The following RPS3A variants were observed in gnomAD, a reference collection of about 807,000 sequenced individuals.
RPS3A encodes ribosomal protein S3A.
In RPS3A, 1 loss-of-function variant was observed where a neutral mutation model predicts 26.4. The ratio of observed to expected loss-of-function variants is 0.04; its 90% CI spans 0.01 to 0.18. RPS3A has a LOEUF of 0.18. Ranked by LOEUF, RPS3A falls within the 10% of genes least tolerant of loss-of-function variation. The pLI, the probability that RPS3A is intolerant of heterozygous loss-of-function variation, is 1.00. For missense variants in RPS3A, 139 were observed against 326.8 expected, an observed-to-expected ratio of 0.43 and a Z score of 4.43; for synonymous variants, 97 against 106.1, an observed-to-expected ratio of 0.91 and a Z score of 0.53.
chr4:151,104,451 T>TTTG (rs756017545), intron 5 of RPS3A, 21 bp from the exon 6 acceptor site: 8 of 1,399,274 alleles, frequency 5.7e-6, no homozygotes, highest in South Asian at 4.8e-5. Flanking sequence ...TTTTTTTTTT[T>TTTG]TTTTTTTTTT....
chr4:151,101,743 T>C (rs1747121116), intron 3 of RPS3A, among the ~76,000 whole-genome samples: 1 of 152,082 alleles, frequency 6.6e-6, no homozygotes, highest in African/African-American at 2.4e-5. Context: ...GTGGGAGTTT[T>C]TTGTTTTTGG....
intron 1 of RPS3A, 80 bp from the exon 2 acceptor site, chr4:151,100,405 T>G: frequency 1.2e-6 from 1 of 810,304 alleles, no homozygotes. Flanking sequence ...TTTAAAATAT[T>G]AATGGGAAAT....
At position 151,099,642 on chromosome 4, in the gene RPS3A, T is replaced by C. The variant is rs1185086686; in HGVS notation, c.-11T>C. 1 of 1,613,598 alleles carries C rather than the reference T, an allele frequency of 6.2e-7. No homozygotes were observed. Among genetic ancestry groups the C allele is most frequent in the Non-Finnish European group, 8.5e-7 (1 of 1,179,882 alleles). On this transcript the variant is annotated 5_prime_UTR_variant, in exon 1 of 6. Transcript: ENST00000274065. ...TCCCACTTCCGCCCTTTTGGCTCTC[T>C]GACCAGCACCATGGCGGTTGGCAAG...
intron 3 of RPS3A, 96 bp downstream of exon 3, chr4:151,101,258 T>C: frequency 1.4e-6 from 1 of 697,686 alleles, no homozygotes; most frequent in South Asian, 2.9e-5. Context: ...ATTTTATTTA[T>C]TTATTGAGAC....
intron 3 of RPS3A, 189 bp from the exon 4 acceptor site, chr4:151,102,682 G>A: frequency 1.5e-6 from 1 of 645,908 alleles, no homozygotes; most frequent in Non-Finnish European, 2.6e-6. Flanking sequence ...ATTTAATTGG[G>A]TAAGAATTTG....
rs777026252 is a variant in RPS3A at position 151,099,641 on chromosome 4, C to T, written c.-12C>T. ...CTCCCACTTCCGCCCTTTTGGCTCT[C>T]TGACCAGCACCATGGCGGTTGGCAA... is the stretch of plus-strand genomic sequence containing the variant. On this transcript the variant is annotated 5_prime_UTR_variant, in exon 1 of 6. Coordinates refer to ENST00000274065, the MANE Select transcript of RPS3A (RefSeq NM_001006.5). 2.5e-6 allele frequency: 4 copies of T among 1,613,494 alleles called. No homozygotes were observed. Among genetic ancestry groups the T allele is most frequent in the Non-Finnish European group, 2.5e-6 (3 of 1,179,842 alleles).
intron 1 of RPS3A, chr4:151,099,931 G>A (rs932835479): frequency 7.6e-6 from 4 of 529,556 alleles, no homozygotes; most frequent in Admixed American, 4.5e-5. Flanking sequence ...CGCGCGTCGC[G>A]TTTGAGCCGG....
At chr4:151,100,614 T>C in intron 2 of RPS3A, 26 bp downstream of exon 2, 1 of 1,379,668 alleles carries the variant, frequency 7.2e-7, no homozygotes, top group Non-Finnish European at 1.0e-6. Flanking sequence ...TTGGTTTGTA[T>C]TTTCCTTAAG....
chr4:151,099,886 A>T, intron 1 of RPS3A, 172 bp downstream of exon 1: 16 of 579,962 alleles, frequency 2.8e-5, no homozygotes, highest in Non-Finnish European at 3.1e-5. Flanking sequence ...GAGTAGCGGC[A>T]GGTCGGCTGC....
chr4:151,103,961 A>G, intron 4 of RPS3A: 1 of 1,521,732 alleles, frequency 6.6e-7, no homozygotes, highest in Non-Finnish European at 8.9e-7. Flanking sequence ...AGAAGACTCT[A>G]CTAACTTTGC....
At position 151,099,673 on chromosome 4, in the gene RPS3A, G is replaced by A. The variant is rs1347868607; in HGVS notation, c.21G>A (p.Lys7=). MAVGKN[K]RLTKGGKKGA... ...GCACCATGGCGGTTGGCAAGAACAA[G>A]CGCCTTACGAAAGGCGGCAAAAAGG... is the stretch of plus-strand genomic sequence containing the variant. The change falls in exon 1 of 6, where the codon AAG becomes AAA. Residue 7 remains lysine (K), a synonymous_variant. Transcript: ENST00000274065. 8 of 1,614,052 alleles carry A rather than the reference G, an allele frequency of 5.0e-6. No individual in the cohort carries two copies. The highest frequency in any genetic ancestry group is 6.8e-6 in the Non-Finnish European group (8 of 1,179,972).
intron 4 of RPS3A, 147 bp downstream of exon 4, chr4:151,103,226 T>A: frequency 1.5e-6 from 2 of 1,361,606 alleles, no homozygotes; most frequent in Non-Finnish European, 1.9e-6. Flanking sequence ...TGAAAGAGTG[T>A]TAAGTACTCA....
At chr4:151,100,699 G>T in intron 2 of RPS3A, 111 bp downstream of exon 2, 2 of 701,948 alleles carry the variant, frequency 2.8e-6, no homozygotes, top group South Asian at 1.8e-5. Flanking sequence ...GGAAATGTCA[G>T]CTCTTGGTTG....
chr4:151,103,984 A>G lies in RPS3A; in HGVS notation c.564-193A>G, dbSNP rs538685580. On this transcript the variant is annotated intron_variant, in intron 4 of 5. Transcript: ENST00000274065. ...CTACTAACTTTGCCACTAGCTAGCTATGTAATTCAGATCATCTATCCTTTA... is the reference window on the plus strand; with the variant it reads ...CTACTAACTTTGCCACTAGCTAGCTGTGTAATTCAGATCATCTATCCTTTA... 7.3e-5 allele frequency: 110 copies of G among 1,515,570 alleles called. No homozygotes were observed. The African/African-American group carries it at 1.4e-3, about 20-fold the overall frequency. 93.9% of individuals were successfully genotyped at this position (1,515,570 alleles called of 1,614,324 possible). A position where few individuals can be genotyped will look rare whatever the true frequency, so the allele number is the denominator to read the frequency against.
intron 4 of RPS3A, chr4:151,103,893 C>T: frequency 6.9e-7 from 1 of 1,454,720 alleles, no homozygotes; most frequent in South Asian, 1.1e-5. Flanking sequence ...TCTGATGTTC[C>T]CATGCAATAT....
In RPS3A at chr4:151,103,627, T is replaced by C. The variant is rs1441728579; in HGVS notation, c.563+548T>C. On this transcript the variant is annotated intron_variant, in intron 4 of 5. Coordinates refer to ENST00000274065, the MANE Select transcript of RPS3A (RefSeq NM_001006.5). Reference sequence around the variant, plus strand: ...TGGAAAATACACTGAATAAGTTGAGTGGGGTGGGATGTGCCTGGAGTCCCA... The same window carrying C: ...TGGAAAATACACTGAATAAGTTGAGCGGGGTGGGATGTGCCTGGAGTCCCA... 7.5e-6 allele frequency: 8 copies of C among 1,062,846 alleles called. No homozygotes were observed. The African/African-American group carries it at 1.2e-4, about 16-fold the overall frequency. The allele number at this position is 1,062,846 out of a possible 1,614,324, so 65.8% of individuals were successfully genotyped here.
chr4:151,101,176 T>G lies in RPS3A; in HGVS notation c.354+14T>G. ...AAAAAATGGCAGGTGAGACCCAAAG[T>G]TCCTTAGAGTGGTTGTGCTATGGGT... is the stretch of plus-strand genomic sequence containing the variant. On this transcript the variant is annotated intron_variant, in intron 3 of 5. Coordinates refer to ENST00000274065, the MANE Select transcript of RPS3A (RefSeq NM_001006.5). The G allele has an allele frequency of 6.3e-7, 1 of 1,576,220 alleles. No homozygotes were observed. The highest frequency in any genetic ancestry group is 8.7e-7 in the Non-Finnish European group (1 of 1,150,146).
intron 1 of RPS3A, 128 bp from the exon 2 acceptor site, chr4:151,100,357 T>A (rs1747066058): frequency 1.6e-6 from 1 of 614,706 alleles, no homozygotes. Context: ...CTCACCTCAC[T>A]GTGAGATATA....
intron 4 of RPS3A, chr4:151,103,848 C>T (rs764509063): frequency 1.4e-5 from 20 of 1,389,780 alleles, no homozygotes; most frequent in African/African-American, 5.8e-5. Context: ...AAAAAAGTTT[C>T]GGTCCCAGAT....
Sources: gnomAD v4.1 joint callset for allele counts (sites outside exome capture counted in the v4.1 genomes callset) on GRCh38, gnomAD v4.1.1 for gene constraint, MANE v1.5 for transcripts, NCBI Gene and HGNC (gene_info 2026-07-23, HGNC 2026-07-21) for gene names.